NUBPL: variants seen among roughly 807,000 people sequenced by gnomAD.
NUBPL encodes iron-sulfur cluster transfer protein NUBPL.
A neutral mutation model predicts 45.7 loss-of-function variants in NUBPL; 31 were observed. That is an observed-to-expected ratio of 0.68 (90% CI 0.51 to 0.92). NUBPL has a LOEUF of 0.92. Ranked by LOEUF, NUBPL falls within the 40% of genes least tolerant of loss-of-function variation. The pLI is 0.00. For missense variants in NUBPL, 401 were observed against 398.7 expected, an observed-to-expected ratio of 1.01 and a Z score of -0.05; for synonymous variants, 144 against 140.9, an observed-to-expected ratio of 1.02 and a Z score of -0.15.
At chr14:31,765,634 GTTTT>G (rs55773928) in intron 6 of NUBPL, among the ~76,000 whole-genome samples, 1 of 149,312 alleles carries the variant, frequency 6.7e-6, no homozygotes. Flanking sequence ...AAAGCAACAG[GTTTT>G]TTTTTTTTTG....
chr14:31,680,006 ATTG>A (rs1365573545), intron 6 of NUBPL, among the ~76,000 whole-genome samples: 1 of 152,126 alleles, frequency 6.6e-6, no homozygotes, highest in Admixed American at 6.5e-5. Context: ...TGTAAATTGA[ATTG>A]TTATTTAAGT....
chr14:31,838,971 G>A (rs1190103672), intron 8 of NUBPL, among the ~76,000 whole-genome samples: 2 of 152,176 alleles, frequency 1.3e-5, no homozygotes, highest in East Asian at 1.9e-4. Flanking sequence ...CAGGGCTTTC[G>A]TTGAAGTATT....
chr14:31,686,233 G>T (rs143380690), intron 6 of NUBPL, among the ~76,000 whole-genome samples: 2 of 152,332 alleles, frequency 1.3e-5, no homozygotes, highest in East Asian at 1.9e-4. Context: ...AGTAACTGGT[G>T]TGGCAGAAAG....
At chr14:31,574,911 T>A (rs534106915) in intron 3 of NUBPL, among the ~76,000 whole-genome samples, 48 of 152,308 alleles carry the variant, frequency 3.2e-4, no homozygotes, top group African/African-American at 7.7e-4. Context: ...CAACTTATTT[T>A]ACATTTTTAC....
At chr14:31,636,254 A>ATG (rs2035494859) in intron 4 of NUBPL, among the ~76,000 whole-genome samples, 1 of 151,810 alleles carries the variant, frequency 6.6e-6, no homozygotes, top group African/African-American at 2.4e-5. Flanking sequence ...TATTATTTTG[A>ATG]GATACGTCCC....
intron 6 of NUBPL, among the ~76,000 whole-genome samples, chr14:31,752,117 G>A (rs67399055): frequency 0.29 from 44,816 of 152,060 alleles, 7,489 homozygotes; most frequent in South Asian, 0.41. Context: ...TCTCTGAAAC[G>A]CCCTGGAGAC....
At chr14:31,814,439 T>C (rs1566577827) in intron 7 of NUBPL, among the ~76,000 whole-genome samples, 1 of 151,576 alleles carries the variant, frequency 6.6e-6, no homozygotes. Flanking sequence ...TATTAACCCA[T>C]GTCAGATGGA....
chr14:31,742,090 A>G (rs1595567999), intron 6 of NUBPL, among the ~76,000 whole-genome samples: 1 of 152,170 alleles, frequency 6.6e-6, no homozygotes, highest in East Asian at 1.9e-4. Context: ...GGAAGGAGAT[A>G]GGAAACCCAT....
chr14:31,807,466 G>A (rs1052029911), intron 7 of NUBPL, among the ~76,000 whole-genome samples: 3 of 151,384 alleles, frequency 2.0e-5, no homozygotes, highest in African/African-American at 7.2e-5. Context: ...TTTTGATGGG[G>A]TTGTTTGTTT....
At chr14:31,662,859 CA>C (rs1366872185) in intron 4 of NUBPL, among the ~76,000 whole-genome samples, 1 of 152,096 alleles carries the variant, frequency 6.6e-6, no homozygotes, top group Non-Finnish European at 1.5e-5. Context: ...GGTACACCAA[CA>C]GTGTAAAAAC....
intron 4 of NUBPL, among the ~76,000 whole-genome samples, chr14:31,600,052 G>A (rs1346020687): frequency 2.6e-5 from 4 of 151,188 alleles, no homozygotes; most frequent in Non-Finnish European, 4.4e-5. Flanking sequence ...CTCCCAAGTA[G>A]CTGGGACTAC....
chr14:31,748,561 C>CT (rs1435084821), intron 6 of NUBPL, among the ~76,000 whole-genome samples: 4 of 152,018 alleles, frequency 2.6e-5, no homozygotes, highest in Non-Finnish European at 4.4e-5. Flanking sequence ...CCTTTTTGGT[C>CT]TTTTTTTAAA....
chr14:31,854,865 A>C (rs960718275), intron 10 of NUBPL, among the ~76,000 whole-genome samples: 2 of 152,244 alleles, frequency 1.3e-5, no homozygotes, highest in Non-Finnish European at 2.9e-5. Context: ...GTTGAAATAA[A>C]ACTGCACTGG....
At chr14:31,594,730 T>C (rs1455563404) in intron 3 of NUBPL, among the ~76,000 whole-genome samples, 1 of 152,214 alleles carries the variant, frequency 6.6e-6, no homozygotes, top group African/African-American at 2.4e-5. Flanking sequence ...TGGAAACATA[T>C]ATTTTTCTCT....
chr14:31,569,924 A>G (rs1187829361), intron 3 of NUBPL, among the ~76,000 whole-genome samples: 1 of 151,970 alleles, frequency 6.6e-6, no homozygotes, highest in African/African-American at 2.4e-5. Flanking sequence ...TATGGATCTC[A>G]TTCTTTTACG....
chr14:31,673,686 T>C, intron 6 of NUBPL, 112 bp downstream of exon 6: 2 of 909,948 alleles, frequency 2.2e-6, no homozygotes, highest in Admixed American at 1.9e-5. Context: ...ATGGGATGAA[T>C]GTATAATGCG....
chr14:31,588,969 A>G (rs2034071210), intron 3 of NUBPL, among the ~76,000 whole-genome samples: 1 of 151,870 alleles, frequency 6.6e-6, no homozygotes, highest in Admixed American at 6.6e-5. Flanking sequence ...ACTAAGCAAC[A>G]TTTTCATTTA....
rs1203547694 is a variant in NUBPL, at chr14:31,859,282, CTG to C, written c.*104_*105del. On this transcript the variant is annotated 3_prime_UTR_variant, in exon 11 of 11. Transcript: ENST00000281081. ...CCTACAGAAATAATAGAAATCATAA[CTG>C]TTTTATTTCTAAGGAAAGAATGTCT... is the stretch of plus-strand genomic sequence containing the variant. The C allele has an allele frequency of 2.3e-5, 21 of 921,146 alleles. No homozygotes were observed. The highest frequency in any genetic ancestry group is 3.7e-5 in the Admixed American group (2 of 54,402). 57.1% of individuals were successfully genotyped at this position (921,146 alleles called of 1,614,324 possible). A position where few individuals can be genotyped will look rare whatever the true frequency, so the allele number is the denominator to read the frequency against.
chr14:31,626,712 C>T (rs906413764), intron 4 of NUBPL, among the ~76,000 whole-genome samples: 2 of 152,110 alleles, frequency 1.3e-5, no homozygotes, highest in East Asian at 1.9e-4. Context: ...AGACTTCTCA[C>T]CAGTTTGTGT....
Sources: gnomAD v4.1 joint callset for allele counts (sites outside exome capture counted in the v4.1 genomes callset) on GRCh38, gnomAD v4.1.1 for gene constraint, MANE v1.5 for transcripts, NCBI Gene and HGNC (gene_info 2026-07-23, HGNC 2026-07-21) for gene names.